TNFRSF8: variants seen among roughly 807,000 people sequenced by gnomAD.
The protein encoded by TNFRSF8 is TNF receptor superfamily member 8, also known as tumor necrosis factor receptor superfamily member 8.
TNFRSF8 carries 26 observed loss-of-function variants against 70.8 expected under a neutral mutation model. That is an observed-to-expected ratio of 0.37 (90% CI 0.27 to 0.51). The LOEUF (loss-of-function observed/expected upper bound fraction) is 0.51. Among genes scored for constraint, TNFRSF8 ranks in the 20% least tolerant of loss-of-function variants. The pLI is 0.94. For missense variants in TNFRSF8, 720 were observed against 807.9 expected (o/e 0.89, Z 1.32); for synonymous variants, 356 against 339.2 (o/e 1.05, Z -0.54).
In TNFRSF8 at chr1:12,084,139, A is replaced by C. The variant is rs1569999110; in HGVS notation, c.64-325A>C. On this transcript the variant is annotated intron_variant, in intron 1 of 14. Transcript: ENST00000263932. ...GGCCCATCCCAGAGACAAGGTAGGA[A>C]GCAATTATGTTAATCCCAGGGCAAG... 2.6e-5 allele frequency among the ~76,000 whole-genome samples: 4 copies of C among 152,310 alleles called. No individual in the cohort carries two copies. The South Asian group carries it at 8.3e-4, about 32-fold the overall frequency.
chr1:12,076,161 C>T (rs953975518), intron 1 of TNFRSF8, among the ~76,000 whole-genome samples: 11 of 140,782 alleles, frequency 7.8e-5, no homozygotes, highest in East Asian at 2.1e-4. Context: ...AGTGCAGTGG[C>T]GTGATCTCGG....
intron 12 of TNFRSF8, among the ~76,000 whole-genome samples, chr1:12,129,384 A>G (rs371247801): frequency 1.3e-5 from 2 of 152,308 alleles, no homozygotes; most frequent in South Asian, 2.1e-4. Flanking sequence ...TGTGGTAAGG[A>G]TCGTCAGAAT....
At chr1:12,096,011 A>T (rs1641324781) in intron 2 of TNFRSF8, among the ~76,000 whole-genome samples, 1 of 152,244 alleles carries the variant, frequency 6.6e-6, no homozygotes, top group African/African-American at 2.4e-5. Flanking sequence ...CCAGGAATCC[A>T]GTAGATAAAC....
In TNFRSF8 at chr1:12,104,617, C is replaced by T. The variant is rs186520793; in HGVS notation, c.421+86C>T. On this transcript the variant is annotated intron_variant, in intron 4 of 14. Transcript: ENST00000263932. ...CCCACCCCAGTGCACTGTTGACTTCCGACCTCCCGCTTCCCGGAGACTGTT... is the reference window on the plus strand; with the variant it reads ...CCCACCCCAGTGCACTGTTGACTTCTGACCTCCCGCTTCCCGGAGACTGTT... 1.0e-3 allele frequency: 1,566 copies of T among 1,501,966 alleles called. 1 individual carries two copies. The highest frequency in any genetic ancestry group is 1.3e-3 in the Non-Finnish European group (1,436 of 1,092,286). 93.0% of individuals were successfully genotyped at this position (1,501,966 alleles called of 1,614,324 possible). A position where few individuals can be genotyped will look rare whatever the true frequency, so the allele number is the denominator to read the frequency against.
At chr1:12,067,781 G>T (rs898405745) in intron 1 of TNFRSF8, among the ~76,000 whole-genome samples, 1 of 152,044 alleles carries the variant, frequency 6.6e-6, no homozygotes, top group African/African-American at 2.4e-5. Context: ...ATACAGTGTA[G>T]TGCTAATCGT....
Position 12,063,557 on chromosome 1 carries a change from G to A in TNFRSF8, c.-42G>A. The A allele has an allele frequency of 7.7e-7, 1 of 1,300,592 alleles. No individual in the cohort carries two copies. The highest frequency in any genetic ancestry group is 4.0e-5 in the Admixed American group (1 of 24,700). 80.6% of individuals were successfully genotyped at this position (1,300,592 alleles called of 1,614,324 possible). A position where few individuals can be genotyped will look rare whatever the true frequency, so the allele number is the denominator to read the frequency against. On this transcript the variant is annotated 5_prime_UTR_variant, in exon 1 of 15. The change creates a new upstream start codon in the 5' untranslated region. Transcript: ENST00000263932. The surrounding 1 kb of genome is among the most constrained non-coding windows in gnomAD (Gnocchi z 7.2). ...GCCGCGCGCTTCCCCCGCTTCCCAG[G>A]TGGGCGCCGGCCGCCAGGCCACCTC...
rs769652704 is a variant in TNFRSF8, at chr1:12,109,554, TC to T, written c.422-6del. On this transcript the variant is annotated splice_polypyrimidine_tract_variant and intron_variant, in intron 4 of 14. Coordinates refer to ENST00000263932, the MANE Select transcript of TNFRSF8 (RefSeq NM_001243.5). This position sits in a 1 kb window ranked among gnomAD's most constrained non-coding sequence, Gnocchi z 4.4. ...AACACTGATTCTGAAGGCACTGCTG[TC>T]CCCCCTGCAGGCACGGCGCAGAAGA... 30 of 1,611,332 alleles carry T rather than the reference TC, an allele frequency of 1.9e-5. No individual in the cohort carries two copies. Among genetic ancestry groups the T allele is most frequent in the Non-Finnish European group, 2.4e-5 (28 of 1,178,472 alleles).
chr1:12,130,341 G>A lies in TNFRSF8; in HGVS notation c.1309+4105G>A, dbSNP rs560213480. Reference sequence around the variant, plus strand: ...CTCAAATGGTCCCAGATGAGGTCAGGGAGAGCCCCTTTAAGCTGGCTCTTG... The same window carrying A: ...CTCAAATGGTCCCAGATGAGGTCAGAGAGAGCCCCTTTAAGCTGGCTCTTG... On this transcript the variant is annotated intron_variant, in intron 12 of 14. Coordinates refer to ENST00000263932, the MANE Select transcript of TNFRSF8 (RefSeq NM_001243.5). Among the ~76,000 whole-genome samples the A allele has an allele frequency of 5.5e-4, 84 of 152,338 alleles. 1 individual carries two copies. Among genetic ancestry groups the A allele is most frequent in the African/African-American group, 1.6e-3 (66 of 41,576 alleles).
intron 3 of TNFRSF8, among the ~76,000 whole-genome samples, chr1:12,100,325 G>A (rs1046914282): frequency 6.6e-6 from 1 of 152,106 alleles, no homozygotes; most frequent in African/African-American, 2.4e-5. Context: ...CACTACTGTG[G>A]ACTTTATCAA....
At chr1:12,080,333 C>T (rs746682275) in intron 1 of TNFRSF8, 8 of 523,976 alleles carry the variant, frequency 1.5e-5, no homozygotes, top group Non-Finnish European at 2.3e-5. Context: ...TCCATCCGGC[C>T]GAATCAGGGT....
At chr1:12,111,439 C>T (rs770725911) in intron 6 of TNFRSF8, among the ~76,000 whole-genome samples, 13 of 152,142 alleles carry the variant, frequency 8.5e-5, no homozygotes, top group Non-Finnish European at 1.5e-4. Context: ...GCCTCAGCCT[C>T]CCAAAGTGCT....
intron 1 of TNFRSF8, among the ~76,000 whole-genome samples, 165 bp from the exon 2 acceptor site, chr1:12,084,299 G>T (rs1277974067): frequency 6.6e-6 from 1 of 152,144 alleles, no homozygotes; most frequent in Non-Finnish European, 1.5e-5. Context: ...TGGAGTAGCA[G>T]GGGGAAGCGT....
At chr1:12,083,955 A>T (rs1303995708) in intron 1 of TNFRSF8, among the ~76,000 whole-genome samples, 1 of 152,128 alleles carries the variant, frequency 6.6e-6, no homozygotes, top group Non-Finnish European at 1.5e-5. Flanking sequence ...ATGACGGAGG[A>T]GCTGGGGCTG....
chr1:12,083,168 A>G (rs758810891), intron 1 of TNFRSF8, among the ~76,000 whole-genome samples: 71 of 152,356 alleles, frequency 4.7e-4, no homozygotes, highest in Admixed American at 4.6e-4. Context: ...CCAAGTGCTG[A>G]CAAGGATGTG....
At position 12,079,294 on chromosome 1, in the gene TNFRSF8, AG is replaced by A. The variant is rs750325371; in HGVS notation, c.64-5167del. On this transcript the variant is annotated intron_variant, in intron 1 of 14. Transcript: ENST00000263932. ...TCTTGATGCCACTAAGGTGGGGCGGAGGGCCTCCGGTTGCACAGCTCATTAC... is the reference window on the plus strand; with the variant it reads ...TCTTGATGCCACTAAGGTGGGGCGGAGGCCTCCGGTTGCACAGCTCATTAC... Among the ~76,000 whole-genome samples, 148 of 152,310 alleles carry A rather than the reference AG, an allele frequency of 9.7e-4. 1 individual carries two copies. Among genetic ancestry groups the A allele is most frequent in the Non-Finnish European group, 5.9e-4 (40 of 68,016 alleles).
At chr1:12,098,708 G>A (rs1219397771) in intron 3 of TNFRSF8, among the ~76,000 whole-genome samples, 1 of 151,946 alleles carries the variant, frequency 6.6e-6, no homozygotes, top group Non-Finnish European at 1.5e-5. Flanking sequence ...ATTAAGAAAG[G>A]AGGTTATGAA....
rs149359773 is a variant in TNFRSF8 at position 12,113,781 on chromosome 1, GAGAC to G, written c.793+1775_793+1778del. ...AGAGAGAGACAGAAAGAGAGAGAGA[GAGAC>G]AGACAGAGGCAGCAGCCACCCCTCC... On this transcript the variant is annotated intron_variant, in intron 7 of 14. Coordinates refer to ENST00000263932, the MANE Select transcript of TNFRSF8 (RefSeq NM_001243.5). This position sits in a 1 kb window ranked among gnomAD's most constrained non-coding sequence, Gnocchi z 4.9. Among the ~76,000 whole-genome samples the G allele has an allele frequency of 0.053, 8,072 of 152,166 alleles. 275 individuals are homozygous for G. Among genetic ancestry groups the G allele is most frequent in the Non-Finnish European group, 0.074 (4,997 of 67,978 alleles).
Position 12,113,745 on chromosome 1 carries a change from GAGAA to G in TNFRSF8, c.793+1735_793+1738del, listed in dbSNP as rs1482462165. ...ATAGAGTGTGACAGAGAGAAAGACAGAGAAAGAGAGAGAGAGAGACAGAAAGAGA... is the reference window on the plus strand; with the variant it reads ...ATAGAGTGTGACAGAGAGAAAGACAGAGAGAGAGAGAGAGACAGAAAGAGA... On this transcript the variant is annotated intron_variant, in intron 7 of 14. Coordinates refer to ENST00000263932, the MANE Select transcript of TNFRSF8 (RefSeq NM_001243.5). This position sits in a 1 kb window ranked among gnomAD's most constrained non-coding sequence, Gnocchi z 4.9. Among the ~76,000 whole-genome samples, 1 of 151,654 alleles carries G rather than the reference GAGAA, an allele frequency of 6.6e-6. No individual in the cohort carries two copies. Among genetic ancestry groups the G allele is most frequent in the African/African-American group, 2.4e-5 (1 of 41,308 alleles).
In TNFRSF8 at chr1:12,076,895, G is replaced by T. The variant is rs186860144; in HGVS notation, c.64-7569G>T. Among the ~76,000 whole-genome samples the T allele has an allele frequency of 7.2e-5, 11 of 152,236 alleles. No homozygotes were observed. In the East Asian group the frequency reaches 2.1e-3, roughly 29 times the overall value. ...GTGGTATAGTCTAGTGGTTGCTTAGGAGCGAGGGTGTGGCGGTAGACGCAT... is the reference window on the plus strand; with the variant it reads ...GTGGTATAGTCTAGTGGTTGCTTAGTAGCGAGGGTGTGGCGGTAGACGCAT... On this transcript the variant is annotated intron_variant, in intron 1 of 14. Coordinates refer to ENST00000263932, the MANE Select transcript of TNFRSF8 (RefSeq NM_001243.5).
Sources: gnomAD v4.1 joint callset for allele counts (sites outside exome capture counted in the v4.1 genomes callset) on GRCh38, gnomAD v4.1.1 for gene constraint, Gnocchi (gnomAD v3.1) non-coding constraint, MANE v1.5 for transcripts, NCBI Gene and HGNC (gene_info 2026-07-23, HGNC 2026-07-21) for gene names.